The following MICAL2 variants were observed in gnomAD, a reference collection of about 807,000 sequenced individuals.
The protein encoded by MICAL2 is microtubule associated monooxygenase, calponin and LIM domain containing 2.
Under a neutral mutation model 127.3 loss-of-function variants are expected in MICAL2, and 77 were observed. That is an observed-to-expected ratio of 0.60 (90% CI 0.50 to 0.73). MICAL2 has a LOEUF of 0.73. Among genes scored for constraint, MICAL2 ranks in the 30% least tolerant of loss-of-function variants. The pLI is 0.00. For synonymous variants in MICAL2, 570 were observed against 551.1 expected (o/e 1.03, Z -0.48); for missense variants, 1,351 against 1,434.4 (o/e 0.94, Z 0.94).
intron 2 of MICAL2, chr11:12,287,040 G>T: frequency 1.0e-5 from 4 of 398,806 alleles, no homozygotes; most frequent in Non-Finnish European, 1.8e-5. Flanking sequence ...ACATTTAATG[G>T]ACTCTTCCTC....
intron 34 of MICAL2, chr11:12,354,914 G>A (rs1019133365): frequency 1.6e-5 from 25 of 1,523,338 alleles, no homozygotes; most frequent in South Asian, 3.5e-5. Context: ...CCTGAGCAGC[G>A]TGTGCCACAA....
At chr11:12,272,172 G>A (rs1863682005), upstream of MICAL2, among the ~76,000 whole-genome samples, 1 of 152,186 alleles carries the variant, frequency 6.6e-6, no homozygotes. Context: ...GGGGGCTGTG[G>A]GTCTGGTACC....
downstream of MICAL2, among the ~76,000 whole-genome samples, chr11:12,267,761 C>T (rs963373182): frequency 2.0e-5 from 3 of 152,162 alleles, no homozygotes; most frequent in African/African-American, 7.2e-5. Flanking sequence ...GCCACCACAC[C>T]CAGCTAACTT....
At chr11:12,267,277 G>A (rs1863619284), downstream of MICAL2, among the ~76,000 whole-genome samples, 1 of 152,158 alleles carries the variant, frequency 6.6e-6, no homozygotes, top group Non-Finnish European at 1.5e-5. Context: ...TGTCTACTGG[G>A]CATGTCCAGC....
chr11:12,183,503 G>A (rs1792453477), intron 3 of MICAL2, among the ~76,000 whole-genome samples: 1 of 152,162 alleles, frequency 6.6e-6, no homozygotes, highest in Non-Finnish European at 1.5e-5. Context: ...AGGCACAGAT[G>A]TTTCTGAGAC....
chr11:12,234,222 C>G (rs1320148847), intron 15 of MICAL2, among the ~76,000 whole-genome samples: 1 of 152,074 alleles, frequency 6.6e-6, no homozygotes, highest in African/African-American at 2.4e-5. Context: ...ACAGTCCCAC[C>G]CTGGGCTTGT....
rs541124333 is a variant in MICAL2, at chr11:12,327,148, G to A, written c.5422-25G>A. 3.2e-6 allele frequency: 5 copies of A among 1,548,604 alleles called. No homozygotes were observed. In the African/African-American group the frequency reaches 6.8e-5, roughly 21 times the overall value. ...GGGACTCTATGTGGAAAGTCCTTGTGTGACATCTGATCCTGGTGTTGCAGG... is the reference window on the plus strand; with the variant it reads ...GGGACTCTATGTGGAAAGTCCTTGTATGACATCTGATCCTGGTGTTGCAGG... On this transcript the variant is annotated intron_variant, in intron 31 of 34. Transcript: ENST00000646065.
chr11:12,283,649 C>T (rs1288933562), intron 2 of MICAL2, among the ~76,000 whole-genome samples: 1 of 152,144 alleles, frequency 6.6e-6, no homozygotes, highest in Non-Finnish European at 1.5e-5. Context: ...GTGATGGCTG[C>T]ACAGCAGGGT....
intron 2 of MICAL2, among the ~76,000 whole-genome samples, chr11:12,283,633 GA>G (rs1863794667): frequency 1.3e-5 from 2 of 152,228 alleles, no homozygotes; most frequent in African/African-American, 4.8e-5. Flanking sequence ...GGGTGGTGGT[GA>G]GGTGGTGATG....
At chr11:12,268,885 G>A (rs1337391484) in intron 24 of MICAL2, among the ~76,000 whole-genome samples, 2 of 151,888 alleles carry the variant, frequency 1.3e-5, no homozygotes, top group African/African-American at 4.8e-5. Context: ...TGTAGTCCCA[G>A]CTACTCGGGA....
At chr11:12,143,752 G>A (rs1325061867) in intron 2 of MICAL2, among the ~76,000 whole-genome samples, 2 of 152,174 alleles carry the variant, frequency 1.3e-5, no homozygotes, top group African/African-American at 4.8e-5. Flanking sequence ...TAATATTTCT[G>A]CAGGAGCTGG....
intron 15 of MICAL2, among the ~76,000 whole-genome samples, chr11:12,235,543 G>A (rs1260187956): frequency 5.3e-5 from 8 of 152,176 alleles, no homozygotes; most frequent in Non-Finnish European, 1.0e-4. Context: ...GTATGGTCAC[G>A]CTAGTCATCA....
chr11:12,133,357 C>T (rs1057147031), intron 1 of MICAL2, among the ~76,000 whole-genome samples: 4 of 152,200 alleles, frequency 2.6e-5, no homozygotes, highest in Non-Finnish European at 4.4e-5. Context: ...GCTGGGATTA[C>T]AGGTGTGAGC....
chr11:12,132,606 G>C (rs1224265440), intron 1 of MICAL2, among the ~76,000 whole-genome samples: 2 of 152,244 alleles, frequency 1.3e-5, no homozygotes, highest in Non-Finnish European at 2.9e-5. Flanking sequence ...TGCCAGCTGG[G>C]CGCTGGGCGG....
chr11:12,140,263 C>T (rs1852217526), intron 2 of MICAL2, among the ~76,000 whole-genome samples: 1 of 152,192 alleles, frequency 6.6e-6, no homozygotes, highest in East Asian at 1.9e-4. Context: ...ATTTCATCTT[C>T]ATGATCAAGC....
intron 31 of MICAL2, among the ~76,000 whole-genome samples, chr11:12,325,267 G>A (rs145997515): frequency 0.011 from 1,629 of 152,024 alleles, 12 homozygotes; most frequent in Non-Finnish European, 0.016. Flanking sequence ...CCACCACCAC[G>A]CCCAGCTAAT....
chr11:12,296,821 C>T (rs10831777), downstream of MICAL2, among the ~76,000 whole-genome samples: 15,491 of 151,748 alleles, frequency 0.1, 1,030 homozygotes, highest in South Asian at 0.22. Flanking sequence ...GCTGTGTGCA[C>T]TTTTTTTGAA....
At chr11:12,304,857 G>A (rs1286078153) in intron 29 of MICAL2, among the ~76,000 whole-genome samples, 2 of 152,154 alleles carry the variant, frequency 1.3e-5, no homozygotes, top group East Asian at 3.8e-4. Context: ...TCATAGTCTA[G>A]AGTAAATCCT....
Position 12,138,527 on chromosome 11 carries a change from A to C in MICAL2, c.-78+67A>C, listed in dbSNP as rs139035780. 275 of 152,318 alleles carry C rather than the reference A, an allele frequency of 1.8e-3. 1 individual carries two copies. Among genetic ancestry groups the C allele is most frequent in the Middle Eastern group, 6.8e-3 (2 of 294 alleles). 9.4% of individuals were successfully genotyped at this position (152,318 alleles called of 1,614,324 possible). A position where few individuals can be genotyped will look rare whatever the true frequency, so the allele number is the denominator to read the frequency against. ...GCTCCTGGGGGCTGGTCCTAGGCTT[A>C]GGAAAGTGTGGGATGTTCCCACCAT... On this transcript the variant is annotated intron_variant, in intron 2 of 27. Coordinates refer to ENST00000683283, the MANE Select transcript of MICAL2 (RefSeq NM_001282663.2).
Sources: allele counts gnomAD v4.1 joint callset (sites outside exome capture counted in the v4.1 genomes callset), GRCh38; gene constraint gnomAD v4.1.1; transcripts MANE v1.5; gene names NCBI Gene and HGNC (gene_info 2026-07-23, HGNC 2026-07-21).